ANKH: variants seen among roughly 807,000 people sequenced by gnomAD.
ANKH encodes ANKH inorganic pyrophosphate transport regulator.
Under a neutral mutation model 49.0 loss-of-function variants are expected in ANKH, and 15 were observed. That is an observed-to-expected ratio of 0.31 (90% CI 0.20 to 0.47). The LOEUF is 0.47. Ranked by LOEUF, ANKH falls within the 20% of genes least tolerant of loss-of-function variation. ANKH has a pLI of 1.00. For missense variants in ANKH, 429 were observed against 652.0 expected, an observed-to-expected ratio of 0.66 and a Z score of 3.72; for synonymous variants, 273 against 260.0, an observed-to-expected ratio of 1.05 and a Z score of -0.48.
chr5:14,861,068 G>A (rs1301752095), intron 1 of ANKH, among the ~76,000 whole-genome samples: 2 of 152,092 alleles, frequency 1.3e-5, no homozygotes, highest in African/African-American at 4.8e-5. Context: ...ATGAGCCACC[G>A]TGCCCGGCCT....
Position 14,713,094 on chromosome 5 carries a change from A to T in ANKH, c.1266-121T>A. Reference sequence around the variant, plus strand: ...ACGGCTGAGACCAGCGGCGTTCTCCATCTGCTGGCTTCGTAAGGGCCGCAG... The same window carrying T: ...ACGGCTGAGACCAGCGGCGTTCTCCTTCTGCTGGCTTCGTAAGGGCCGCAG... On this transcript the variant is annotated intron_variant, in intron 10 of 11. Coordinates refer to ENST00000284268, the MANE Select transcript of ANKH (RefSeq NM_054027.6). The surrounding 1 kb of genome is among the most constrained non-coding windows in gnomAD (Gnocchi z 4.4). The T allele has an allele frequency of 1.0e-6, 1 of 984,280 alleles. No individual in the cohort carries two copies. Among genetic ancestry groups the T allele is most frequent in the Non-Finnish European group, 1.6e-6 (1 of 642,144 alleles). 61.0% of individuals were successfully genotyped at this position (984,280 alleles called of 1,614,324 possible). A position where few individuals can be genotyped will look rare whatever the true frequency, so the allele number is the denominator to read the frequency against.
chr5:14,871,155 A>T, intron 1 of ANKH, 197 bp downstream of exon 1: 3 of 681,322 alleles, frequency 4.4e-6, no homozygotes, highest in Non-Finnish European at 5.4e-6. Flanking sequence ...AGAGGGCTGG[A>T]AAAGTCTGCT....
chr5:14,783,278 C>T (rs1302223032), intron 1 of ANKH, among the ~76,000 whole-genome samples: 4 of 136,056 alleles, frequency 2.9e-5, no homozygotes, highest in Admixed American at 2.4e-4. Context: ...AGAAGAGGGT[C>T]GCCACCATTC....
At chr5:14,744,447 C>T (rs891921643) in intron 7 of ANKH, among the ~76,000 whole-genome samples, 1 of 134,786 alleles carries the variant, frequency 7.4e-6, no homozygotes, top group African/African-American at 3.3e-5. Flanking sequence ...TCCCACGTGA[C>T]CATGGGTAAG....
intron 1 of ANKH, among the ~76,000 whole-genome samples, chr5:14,820,667 T>G (rs1401279757): frequency 6.6e-6 from 1 of 152,194 alleles, no homozygotes; most frequent in Non-Finnish European, 1.5e-5. Flanking sequence ...GGATTCCCAC[T>G]AAACTGACTT....
chr5:14,863,496 A>G (rs1441827920), intron 1 of ANKH, among the ~76,000 whole-genome samples: 9 of 152,202 alleles, frequency 5.9e-5, no homozygotes, highest in Non-Finnish European at 8.8e-5. Context: ...CTCATACTAA[A>G]AAAAGGAAAA....
Position 14,710,003 on chromosome 5 carries a change from A to T in ANKH, c.*1194T>A, listed in dbSNP as rs935458214. ...GTCTATAATTTTTTTAAAGGAAAAA[A>T]CCTGCTTTCCAAAACTTAGAAAAAT... On this transcript the variant is annotated 3_prime_UTR_variant, in exon 12 of 12. Coordinates refer to ENST00000284268, the MANE Select transcript of ANKH (RefSeq NM_054027.6). 5 of 152,174 alleles carry T rather than the reference A, an allele frequency of 3.3e-5. No individual in the cohort carries two copies. The highest frequency in any genetic ancestry group is 5.9e-5 in the Non-Finnish European group (4 of 68,042). The allele number at this position is 152,174 out of a possible 1,614,324, so 9.4% of individuals were successfully genotyped here. A position where few individuals can be genotyped will look rare whatever the true frequency, so the allele number is the denominator to read the frequency against.
chr5:14,742,153 T>C (rs1738381406), intron 7 of ANKH, among the ~76,000 whole-genome samples: 1 of 152,132 alleles, frequency 6.6e-6, no homozygotes, highest in Non-Finnish European at 1.5e-5. Context: ...CTGCAGCTCT[T>C]CCAACTCAGT....
chr5:14,833,926 T>G (rs1044178149), intron 1 of ANKH, among the ~76,000 whole-genome samples: 3 of 152,034 alleles, frequency 2.0e-5, no homozygotes, highest in South Asian at 4.1e-4. Flanking sequence ...TGCCTCAGAG[T>G]TGGCAGCACG....
intron 1 of ANKH, among the ~76,000 whole-genome samples, chr5:14,779,808 T>C (rs534190264): frequency 1.3e-4 from 20 of 152,330 alleles, no homozygotes; most frequent in Non-Finnish European, 2.9e-4. Flanking sequence ...CCATGACTAC[T>C]TCCACCAAGC....
chr5:14,801,672 T>C (rs913767781), intron 1 of ANKH, among the ~76,000 whole-genome samples: 19 of 152,336 alleles, frequency 1.2e-4, no homozygotes, highest in Admixed American at 5.2e-4. Context: ...TTTTGAGAAA[T>C]GCTGCCATGA....
chr5:14,768,931 A>C, intron 2 of ANKH, 44 bp downstream of exon 2: 1 of 1,579,044 alleles, frequency 6.3e-7, no homozygotes. Context: ...AAGGAATAAG[A>C]AATTGCCAAA....
chr5:14,753,258 A>G (rs1213572560), intron 4 of ANKH, among the ~76,000 whole-genome samples: 2 of 152,152 alleles, frequency 1.3e-5, no homozygotes, highest in African/African-American at 4.8e-5. Context: ...GAGGTAGAGA[A>G]ACTCTCTGAA....
In ANKH at chr5:14,722,810, G is replaced by A. The variant is rs1737709659; in HGVS notation, c.1012-5975C>T. Reference sequence around the variant, plus strand: ...CTTCTGAGGAACTTCCTTCTGAAGAGCACAGTGGGGAGAAAGGAAACCCGT... The same window carrying A: ...CTTCTGAGGAACTTCCTTCTGAAGAACACAGTGGGGAGAAAGGAAACCCGT... On this transcript the variant is annotated intron_variant, in intron 8 of 11. Transcript: ENST00000284268. Among the ~76,000 whole-genome samples the A allele has an allele frequency of 2.0e-5, 3 of 152,090 alleles. No individual in the cohort carries two copies. The South Asian group carries it at 6.2e-4, about 32-fold the overall frequency.
intron 1 of ANKH, among the ~76,000 whole-genome samples, chr5:14,783,416 G>A (rs1739874151): frequency 6.6e-6 from 1 of 151,848 alleles, no homozygotes; most frequent in Non-Finnish European, 1.5e-5. Context: ...CATTTGCTTT[G>A]CTGTGTGCAA....
intron 8 of ANKH, among the ~76,000 whole-genome samples, chr5:14,733,787 A>C (rs1431765337): frequency 1.3e-5 from 2 of 152,182 alleles, no homozygotes; most frequent in African/African-American, 4.8e-5. Flanking sequence ...CGTGTGCCTC[A>C]CAGCCTCCGA....
At chr5:14,854,443 G>A (rs538104260) in intron 1 of ANKH, among the ~76,000 whole-genome samples, 7 of 152,372 alleles carry the variant, frequency 4.6e-5, no homozygotes, top group African/African-American at 1.7e-4. Flanking sequence ...ACTTTGGGTG[G>A]TCGAGGCAGA....
intron 1 of ANKH, among the ~76,000 whole-genome samples, chr5:14,830,344 C>T (rs547616967): frequency 6.6e-6 from 1 of 152,288 alleles, no homozygotes; most frequent in Non-Finnish European, 1.5e-5. Context: ...CCCACACAGG[C>T]TGGAATGACC....
At chr5:14,722,832 C>T (rs1561024607) in intron 8 of ANKH, among the ~76,000 whole-genome samples, 1 of 151,932 alleles carries the variant, frequency 6.6e-6, no homozygotes, top group Non-Finnish European at 1.5e-5. Flanking sequence ...GAAAGGAAAC[C>T]CGTCCTGACA....
Sources: gnomAD v4.1 joint callset for allele counts (sites outside exome capture counted in the v4.1 genomes callset) on GRCh38, gnomAD v4.1.1 for gene constraint, Gnocchi (gnomAD v3.1) non-coding constraint, MANE v1.5 for transcripts, NCBI Gene and HGNC (gene_info 2026-07-23, HGNC 2026-07-21) for gene names.